The following MNS1 variants were observed in gnomAD, a reference collection of about 807,000 sequenced individuals.
The protein encoded by MNS1 is meiosis specific nuclear structural 1, also known as meiosis-specific nuclear structural protein 1.
In MNS1, 63 loss-of-function variants were observed where a neutral mutation model predicts 72.0. That is an observed-to-expected ratio of 0.87 (90% CI 0.71 to 1.08). MNS1 has a LOEUF of 1.08. Ranked by LOEUF, MNS1 falls within the 50% of genes least tolerant of loss-of-function variation. The pLI, the probability that MNS1 is intolerant of heterozygous loss-of-function variation, is 0.00. For missense variants in MNS1, 604 were observed against 562.4 expected, an observed-to-expected ratio of 1.07 and a Z score of -0.75; for synonymous variants, 188 against 172.1, an observed-to-expected ratio of 1.09 and a Z score of -0.72.
chr15:56,448,085 T>C (rs2050921032), intron 3 of MNS1, among the ~76,000 whole-genome samples: 1 of 152,168 alleles, frequency 6.6e-6, no homozygotes, highest in Non-Finnish European at 1.5e-5. Context: ...TATGTGGATA[T>C]TGCAAATAAA....
intron 7 of MNS1, among the ~76,000 whole-genome samples, chr15:56,435,108 A>T (rs919903465): frequency 6.6e-6 from 1 of 152,124 alleles, no homozygotes; most frequent in Non-Finnish European, 1.5e-5. Flanking sequence ...AGTTAATAAA[A>T]GTGAGACAGC....
chr15:56,462,354 C>T (rs910399111), intron 2 of MNS1, among the ~76,000 whole-genome samples: 29 of 152,214 alleles, frequency 1.9e-4, no homozygotes, highest in South Asian at 2.1e-4. Context: ...CTGATCAATA[C>T]TGGCATCACT....
intron 2 of MNS1, among the ~76,000 whole-genome samples, chr15:56,461,606 A>G (rs1320068934): frequency 7.3e-6 from 1 of 136,256 alleles, no homozygotes; most frequent in Admixed American, 8.0e-5. Flanking sequence ...GGTTGCAGTG[A>G]GCCGAGATGG....
At chr15:56,464,323 C>A in intron 1 of MNS1, 76 bp from the exon 2 acceptor site, 1 of 1,082,248 alleles carries the variant, frequency 9.2e-7, no homozygotes, top group South Asian at 1.5e-5. Context: ...TGATATAAAC[C>A]TTAGTAAGAA....
intron 3 of MNS1, chr15:56,447,199 A>G (rs1197346049): frequency 1.4e-5 from 4 of 283,776 alleles, no homozygotes; most frequent in African/African-American, 2.2e-5. Context: ...ATACCACACT[A>G]TCTCAACTGC....
At chr15:56,437,213 G>A (rs942228355) in intron 7 of MNS1, among the ~76,000 whole-genome samples, 4 of 151,938 alleles carry the variant, frequency 2.6e-5, no homozygotes, top group East Asian at 3.9e-4. Context: ...GCAAAACTCC[G>A]CAATAAAATA....
intron 7 of MNS1, among the ~76,000 whole-genome samples, chr15:56,439,612 T>C (rs2050784850): frequency 1.3e-5 from 2 of 151,850 alleles, no homozygotes; most frequent in Admixed American, 6.6e-5. Flanking sequence ...CAATTCAATG[T>C]TGGAGAAACA....
intron 4 of MNS1, among the ~76,000 whole-genome samples, 192 bp from the exon 5 acceptor site, chr15:56,444,865 G>A (rs1240260881): frequency 2.6e-5 from 4 of 151,944 alleles, no homozygotes; most frequent in Admixed American, 2.0e-4. Context: ...CCCTAAAGCA[G>A]CTTTCCTATC....
chr15:56,446,909 C>G lies in MNS1; in HGVS notation c.388G>C (p.Ala130Pro). Residue 130 changes from alanine (A) to proline (P), a missense_variant, in exon 4 of 10, where the codon GCA becomes CCA. Coordinates refer to ENST00000260453, the MANE Select transcript of MNS1 (RefSeq NM_018365.4). Reference sequence around the variant, plus strand: ...GCCCTTTCTTTATTCATGTAAGCTGCTTTTAATTTCTTCTCCAATTCTCTA... The same window carrying G: ...GCCCTTTCTTTATTCATGTAAGCTGGTTTTAATTTCTTCTCCAATTCTCTA... ...ELRELEKKLK[A>P]AYMNKERAAQ... 1 of 1,609,422 alleles carries G rather than the reference C, an allele frequency of 6.2e-7. No homozygotes were observed. The highest frequency in any genetic ancestry group is 8.5e-7 in the Non-Finnish European group (1 of 1,178,996).
rs1418058786 is a variant in MNS1 at position 56,431,033 on chromosome 15, C to T, written c.1395+340G>A. On this transcript the variant is annotated intron_variant, in intron 9 of 9. Transcript: ENST00000260453. ...AAAATTAGCTGGGTGTGGTGGCAAA[C>T]GCCTGTAATCCCAGCTACTCAGGAG... 5.3e-5 allele frequency among the ~76,000 whole-genome samples: 8 copies of T among 152,092 alleles called. No homozygotes were observed. In the East Asian group the frequency reaches 5.8e-4, roughly 11 times the overall value.
At chr15:56,457,855 A>T (rs753181580) in intron 2 of MNS1, among the ~76,000 whole-genome samples, 77 of 151,976 alleles carry the variant, frequency 5.1e-4, no homozygotes, top group Non-Finnish European at 1.5e-4. Context: ...ACACAACTCA[A>T]CAATTTTACC....
intron 8 of MNS1, among the ~76,000 whole-genome samples, chr15:56,433,433 AT>A (rs1417923546): frequency 1.3e-5 from 2 of 152,142 alleles, no homozygotes; most frequent in African/African-American, 2.4e-5. Context: ...TATTAAAAAA[AT>A]AATTAAAAAG....
Position 56,443,739 on chromosome 15 carries a change from T to C in MNS1, c.802A>G (p.Arg268Gly), listed in dbSNP as rs755587490. 12 of 1,613,436 alleles carry C rather than the reference T, an allele frequency of 7.4e-6. No homozygotes were observed. The highest frequency in any genetic ancestry group is 9.3e-6 in the Non-Finnish European group (11 of 1,179,760). The change falls in exon 6 of 10, where the codon AGA (arginine) becomes GGA (glycine). Residue 268 changes from arginine (R) to glycine (G), a missense_variant. Physicochemically the swap from Arg to Gly is moderately radical, Grantham distance 125. Transcript: ENST00000260453. ...ATGTTAGCAAACTCTATGATTTTTCTGTTTTCTTCTTCCATCTCCTCACGT... is the reference window on the plus strand; with the variant it reads ...ATGTTAGCAAACTCTATGATTTTTCCGTTTTCTTCTTCCATCTCCTCACGT... ...KKREEMEEEN[R>G]KIIEFANMQQ...
chr15:56,431,434 T>G lies in MNS1; in HGVS notation c.1334A>C (p.Glu445Ala), dbSNP rs2050592688. Reference sequence around the variant, plus strand: ...TTTAAGAAGTTTTAGCCTTTCTTCTTCAATAATTGCATTAATAAATCCTTG... The same window carrying G: ...TTTAAGAAGTTTTAGCCTTTCTTCTGCAATAATTGCATTAATAAATCCTTG... ...RRQGFINAII[E>A]EERLKLLKEH... Residue 445 changes from glutamate (E) to alanine (A), a missense_variant, in exon 9 of 10, where the codon GAA (glutamate) becomes GCA (alanine). Physicochemically the swap from Glu to Ala is moderately radical, Grantham distance 107. Coordinates refer to ENST00000260453, the MANE Select transcript of MNS1 (RefSeq NM_018365.4). The G allele has an allele frequency of 3.1e-6, 5 of 1,613,736 alleles. No homozygotes were observed. Among genetic ancestry groups the G allele is most frequent in the East Asian group, 2.2e-5 (1 of 44,870 alleles).
At chr15:56,461,143 G>A (rs2051017520) in intron 2 of MNS1, among the ~76,000 whole-genome samples, 1 of 151,996 alleles carries the variant, frequency 6.6e-6, no homozygotes, top group Non-Finnish European at 1.5e-5. Context: ...ATCGGATGAG[G>A]CCCACCTATA....
At chr15:56,440,544 G>T (rs1387404634) in intron 7 of MNS1, among the ~76,000 whole-genome samples, 1 of 152,110 alleles carries the variant, frequency 6.6e-6, no homozygotes, top group East Asian at 1.9e-4. Flanking sequence ...ACTCATCAGA[G>T]CTAAATATTG....
chr15:56,429,328 T>TA (rs1567144468), intron 9 of MNS1, 135 bp from the exon 10 acceptor site: 7 of 602,812 alleles, frequency 1.2e-5, no homozygotes, highest in South Asian at 9.1e-5. Context: ...AATGAAACTT[T>TA]AAAAAAATCA....
At position 56,450,089 on chromosome 15, in the gene MNS1, G is replaced by A. The variant is rs142335865; in HGVS notation, c.354-3146C>T. ...ATTGCCTTCCTCCTACCTTCTTTTT[G>A]TAATCATTCCAGAAGAGAATTTGCA... On this transcript the variant is annotated intron_variant, in intron 3 of 9. Transcript: ENST00000260453. Among the ~76,000 whole-genome samples, 38 of 151,948 alleles carry A rather than the reference G, an allele frequency of 2.5e-4. 1 individual carries two copies. Among genetic ancestry groups the A allele is most frequent in the African/African-American group, 8.9e-4 (37 of 41,464 alleles).
At chr15:56,441,375 T>G (rs952870585) in intron 7 of MNS1, among the ~76,000 whole-genome samples, 3 of 152,176 alleles carry the variant, frequency 2.0e-5, no homozygotes, top group Non-Finnish European at 4.4e-5. Context: ...GGGTGGAGTA[T>G]TCTCTAAATG....
Sources: allele counts gnomAD v4.1 joint callset (sites outside exome capture counted in the v4.1 genomes callset), GRCh38; gene constraint gnomAD v4.1.1; transcripts MANE v1.5; gene names NCBI Gene and HGNC (gene_info 2026-07-23, HGNC 2026-07-21).